The following MAPK13 variants were observed in gnomAD, a reference collection of about 807,000 sequenced individuals.
MAPK13 encodes MAP kinase 13.
In MAPK13, 39 loss-of-function variants were observed where a neutral mutation model predicts 53.5. The observed-to-expected ratio is 0.73, with a 90% CI of 0.56 to 0.95. The LOEUF (loss-of-function observed/expected upper bound fraction) is 0.95. MAPK13 is among the 40% of genes least tolerant of loss of function. MAPK13 has a pLI of 0.00. For synonymous variants in MAPK13, 179 were observed against 190.9 expected, an observed-to-expected ratio of 0.94 and a Z score of 0.51; for missense variants, 460 against 471.8, an observed-to-expected ratio of 0.98 and a Z score of 0.23.
rs1562168349 is a variant in MAPK13 at position 36,130,728 on chromosome 6, G to GGGGGGCA, written c.119+33_119+34insAGGGGGC. 2.6e-6 allele frequency: 3 copies of GGGGGGCA among 1,174,182 alleles called. No individual in the cohort carries two copies. The highest frequency in any genetic ancestry group is 3.6e-6 in the Non-Finnish European group (3 of 833,728). 72.7% of individuals were successfully genotyped at this position (1,174,182 alleles called of 1,614,324 possible). A position where few individuals can be genotyped will look rare whatever the true frequency, so the allele number is the denominator to read the frequency against. On this transcript the variant is annotated intron_variant, in intron 1 of 11. Transcript: ENST00000211287. The surrounding 1 kb of genome is among the most constrained non-coding windows in gnomAD (Gnocchi z 4.5). The stretch of plus-strand genomic sequence containing the variant: ...TGAGACCCCTGGGCCGCTGGGGGGC[G>GGGGGGCA]GGGGGCGGGCGCCAGGCTCTCCCCT...
chr6:36,134,879 T>C (rs1766385007), intron 3 of MAPK13, among the ~76,000 whole-genome samples: 1 of 152,214 alleles, frequency 6.6e-6, no homozygotes, highest in Non-Finnish European at 1.5e-5. Context: ...CTGGGCGTTC[T>C]GGCGTGCACC....
At chr6:36,131,203 G>T (rs1016576782) in intron 1 of MAPK13, 68 bp from the exon 2 acceptor site, 1 of 1,558,630 alleles carries the variant, frequency 6.4e-7, no homozygotes, top group African/African-American at 1.4e-5. Flanking sequence ...AGTGGGAGGG[G>T]TCAGGGCGGT....
chr6:36,138,149 G>A (rs975344962), intron 8 of MAPK13, among the ~76,000 whole-genome samples: 1 of 152,024 alleles, frequency 6.6e-6, no homozygotes, highest in Admixed American at 6.6e-5. Context: ...TCCATTTGTT[G>A]GGTAGGGACC....
rs1484722828 is a variant in MAPK13 at position 36,135,812 on chromosome 6, G to A, written c.368G>A (p.Ser123Asn). The change falls in exon 4 of 12, where the codon AGT becomes AAT. Residue 123 changes from serine to asparagine, a missense_variant. Physicochemically the swap from Ser to Asn is conservative, Grantham distance 46. Coordinates refer to ENST00000211287, the MANE Select transcript of MAPK13 (RefSeq NM_002754.5). ...CAGAAGATCATGGGGATGGAGTTCAGTGAGGAGAAGATCCAGTACCTGGTG... is the reference window on the plus strand; with the variant it reads ...CAGAAGATCATGGGGATGGAGTTCAATGAGGAGAAGATCCAGTACCTGGTG... ...DLQKIMGMEF[S>N]EEKIQYLVYQ... 9.3e-6 allele frequency: 15 copies of A among 1,614,146 alleles called. No individual in the cohort carries two copies. The highest frequency in any genetic ancestry group is 3.3e-5 in the Admixed American group (2 of 60,022).
chr6:36,140,119 CTTCCT>C lies in MAPK13; in HGVS notation c.*747_*751del, dbSNP rs1766505794. ...ACAGACAGCTGGGAGGGAGGGGCCC[CTTCCT>C]GGGCCCCGTGCTGAGGCCTTGTGCT... is the stretch of plus-strand genomic sequence containing the variant. On this transcript the variant is annotated 3_prime_UTR_variant, in exon 12 of 12. Transcript: ENST00000211287. 6.6e-6 allele frequency: 1 copy of C among 152,250 alleles called. No individual in the cohort carries two copies. The highest frequency in any genetic ancestry group is 2.4e-5 in the African/African-American group (1 of 41,466). The allele number at this position is 152,250 out of a possible 1,614,324, so 9.4% of individuals were successfully genotyped here.
chr6:36,136,413 GGGT>G, intron 5 of MAPK13, 68 bp from the exon 6 acceptor site: 1 of 1,350,154 alleles, frequency 7.4e-7, no homozygotes, highest in South Asian at 1.4e-5. Context: ...TCACACCCCT[GGGT>G]GGTGGTGGAG....
chr6:36,133,945 T>C (rs897754830), intron 3 of MAPK13, among the ~76,000 whole-genome samples: 1 of 151,996 alleles, frequency 6.6e-6, no homozygotes, highest in East Asian at 1.9e-4. Flanking sequence ...AGTCATGGTG[T>C]GTTTGTCGGG....
At chr6:36,136,174 G>A (rs1766413613) in intron 5 of MAPK13, 126 bp downstream of exon 5, 2 of 1,179,724 alleles carry the variant, frequency 1.7e-6, no homozygotes, top group Admixed American at 2.0e-5. Context: ...AGAATGTGGA[G>A]TTTTCACACC....
Position 36,139,629 on chromosome 6 carries a change from G to C in MAPK13, c.*256G>C. On this transcript the variant is annotated 3_prime_UTR_variant, in exon 12 of 12. Transcript: ENST00000211287. ...AGGTGGGGCCCTTTCCTTCCCGCCA[G>C]AGTGGGGCTGAGTGGGCGCTGAGCC... The C allele has an allele frequency of 4.1e-6, 2 of 492,950 alleles. No homozygotes were observed. Among genetic ancestry groups the C allele is most frequent in the Non-Finnish European group, 7.3e-6 (2 of 272,820 alleles). 30.5% of individuals were successfully genotyped at this position (492,950 alleles called of 1,614,324 possible). A position where few individuals can be genotyped will look rare whatever the true frequency, so the allele number is the denominator to read the frequency against.
intron 1 of MAPK13, 160 bp from the exon 2 acceptor site, chr6:36,131,110 TG>T: frequency 1.3e-6 from 1 of 753,306 alleles, no homozygotes; most frequent in Non-Finnish European, 2.0e-6. Context: ...AGCTCCTGCC[TG>T]GCTTCCTACT....
At chr6:36,136,295 A>C (rs538030052) in intron 5 of MAPK13, among the ~76,000 whole-genome samples, 189 bp from the exon 6 acceptor site, 1 of 152,220 alleles carries the variant, frequency 6.6e-6, no homozygotes, top group East Asian at 1.9e-4. Flanking sequence ...AGGCTTCAAG[A>C]ATCAGGAACA....
chr6:36,134,006 AAACCAGGTTAACTCAG>A (rs1766367341), intron 3 of MAPK13, among the ~76,000 whole-genome samples: 2 of 152,312 alleles, frequency 1.3e-5, no homozygotes, highest in Middle Eastern at 3.4e-3. Context: ...AGGGAAGCAG[AAACCAGGTTAACTCAG>A]GACTGGGAGG....
Position 36,130,553 on chromosome 6 carries a change from C to T in MAPK13, c.-30C>T, listed in dbSNP as rs753384828. On this transcript the variant is annotated 5_prime_UTR_variant, in exon 1 of 12. The change creates a new upstream start codon in the 5' untranslated region. Coordinates refer to ENST00000211287, the MANE Select transcript of MAPK13 (RefSeq NM_002754.5). The surrounding 1 kb of genome is among the most constrained non-coding windows in gnomAD (Gnocchi z 4.5). ...CGTTGGGCCGCGAACGCAGCCGCCA[C>T]GCTGGGGCCGCCGAGATCGGGTGCC... 1 of 1,272,996 alleles carries T rather than the reference C, an allele frequency of 7.9e-7. No individual in the cohort carries two copies. The allele number at this position is 1,272,996 out of a possible 1,614,324, so 78.9% of individuals were successfully genotyped here.
At chr6:36,131,596 A>G (rs750582851) in intron 2 of MAPK13, among the ~76,000 whole-genome samples, 196 bp downstream of exon 2, 3 of 152,128 alleles carry the variant, frequency 2.0e-5, no homozygotes, top group African/African-American at 4.8e-5. Flanking sequence ...GTCAAAGGGT[A>G]TTTTTGGCAG....
At chr6:36,137,472 G>A (rs1283462348) in intron 8 of MAPK13, among the ~76,000 whole-genome samples, 3 of 151,788 alleles carry the variant, frequency 2.0e-5, no homozygotes, top group Admixed American at 6.6e-5. Context: ...CTGAGATCGC[G>A]CCACTGCACT....
Position 36,139,826 on chromosome 6 carries a change from G to C in MAPK13, c.*453G>C, listed in dbSNP as rs751793049. ...CTGTGGTCCCTTTGAAGGCTCTGGG[G>C]AAGAATCCTTCCTTGGCTCTTTTTA... On this transcript the variant is annotated 3_prime_UTR_variant, in exon 12 of 12. Transcript: ENST00000211287. 1 of 161,826 alleles carries C rather than the reference G, an allele frequency of 6.2e-6. No homozygotes were observed. Among genetic ancestry groups the C allele is most frequent in the Non-Finnish European group, 1.4e-5 (1 of 73,830 alleles). 10.0% of individuals were successfully genotyped at this position (161,826 alleles called of 1,614,324 possible).
chr6:36,135,719 C>A, intron 3 of MAPK13, 34 bp from the exon 4 acceptor site: 2 of 1,511,200 alleles, frequency 1.3e-6, no homozygotes, highest in South Asian at 1.2e-5. Flanking sequence ...GGGTGGGACC[C>A]GGCACTGTTC....
chr6:36,138,095 G>A (rs1214547428), intron 8 of MAPK13, among the ~76,000 whole-genome samples: 8 of 152,154 alleles, frequency 5.3e-5, no homozygotes, highest in Non-Finnish European at 1.2e-4. Flanking sequence ...GAGAAGACGA[G>A]GAAACAGAAA....
Position 36,139,398 on chromosome 6 carries a change from G to A in MAPK13, c.*25G>A, listed in dbSNP as rs368016877. 28 of 1,600,114 alleles carry A rather than the reference G, an allele frequency of 1.7e-5. No individual in the cohort carries two copies. Among genetic ancestry groups the A allele is most frequent in the East Asian group, 1.3e-4 (6 of 44,790 alleles). ...GGGACTCATCTTGCATGGCACCGCC[G>A]GCCAGACACTGCCCAAGGACCAGTA... On this transcript the variant is annotated 3_prime_UTR_variant, in exon 12 of 12. Transcript: ENST00000211287.
Sources: gnomAD v4.1 joint callset for allele counts (sites outside exome capture counted in the v4.1 genomes callset) on GRCh38, gnomAD v4.1.1 for gene constraint, Gnocchi (gnomAD v3.1) non-coding constraint, MANE v1.5 for transcripts, NCBI Gene and HGNC (gene_info 2026-07-23, HGNC 2026-07-21) for gene names.